The following PAGE2B variants were observed in gnomAD, a reference collection of about 807,000 sequenced individuals.
PAGE2B encodes the protein putative G antigen family E member 3.
A neutral mutation model predicts 7.6 loss-of-function variants in PAGE2B; 5 were observed. The observed-to-expected ratio is 0.66, with a 90% CI of 0.34 to 1.38. The LOEUF (loss-of-function observed/expected upper bound fraction) is 1.38, where lower values mean the gene tolerates loss of function less well. Ranked by LOEUF, PAGE2B falls within the 40% of genes most tolerant of loss-of-function variation. PAGE2B has a pLI of 0.04. For missense variants in PAGE2B, 70 were observed against 78.4 expected, an observed-to-expected ratio of 0.89 and a Z score of 0.41; for synonymous variants, 29 against 26.7, an observed-to-expected ratio of 1.09 and a Z score of -0.27.
chrX:55,067,390 T>C, the PAGE2B span, among the ~76,000 whole-genome samples: 1 of 111,867 alleles, frequency 8.9e-6, no homozygotes, highest in Admixed American at 9.5e-5. Flanking sequence ...AACTCATCCT[T>C]TTTTATGGCA....
chrX:55,031,458 C>T, the PAGE2B span, among the ~76,000 whole-genome samples: 2 of 111,856 alleles, frequency 1.8e-5, no homozygotes, highest in Non-Finnish European at 3.8e-5. Flanking sequence ...TACCACAGTG[C>T]CTGGCCCAAA....
the PAGE2B span, among the ~76,000 whole-genome samples, chrX:55,052,709 C>T: frequency 8.8e-6 from 1 of 113,057 alleles, no homozygotes; most frequent in East Asian, 2.8e-4. Flanking sequence ...CCATCTGTCA[C>T]CCCTTTCTTT....
the PAGE2B span, among the ~76,000 whole-genome samples, chrX:55,036,512 G>A: frequency 3.1e-3 from 339 of 111,005 alleles, no homozygotes; most frequent in African/African-American, 0.011. Context: ...TAGCATGAAG[G>A]GTTGTTGAAT....
At chrX:55,076,358 G>GTA (rs113787770) in intron 2 of PAGE2B, among the ~76,000 whole-genome samples, 1 of 106,007 alleles carries the variant, frequency 9.4e-6, no homozygotes, top group African/African-American at 3.5e-5. Flanking sequence ...GTGTGTATAT[G>GTA]TATATATGTA....
At chrX:55,050,471 G>T in the PAGE2B span, among the ~76,000 whole-genome samples, 1 of 109,167 alleles carries the variant, frequency 9.2e-6, no homozygotes, top group Non-Finnish European at 1.9e-5. Flanking sequence ...CTCAGGACTT[G>T]CTTTATGAAT....
the PAGE2B span, among the ~76,000 whole-genome samples, chrX:55,038,230 TG>T: frequency 1.4e-3 from 159 of 110,762 alleles, no homozygotes; most frequent in African/African-American, 4.8e-3. Flanking sequence ...ATTCATAATA[TG>T]TAAAAAAAAT....
At chrX:55,048,885 GT>G in the PAGE2B span, among the ~76,000 whole-genome samples, 1 of 111,729 alleles carries the variant, frequency 9.0e-6, no homozygotes, top group African/African-American at 3.3e-5. Flanking sequence ...TCTTGTGCCA[GT>G]TTTCAAAGTG....
the PAGE2B span, among the ~76,000 whole-genome samples, chrX:55,031,480 T>C: frequency 3.6e-5 from 4 of 112,072 alleles, no homozygotes; most frequent in South Asian, 1.5e-3. Context: ...AAATAACACC[T>C]ACTGTTGACT....
the PAGE2B span, among the ~76,000 whole-genome samples, chrX:55,036,710 T>C: frequency 0.06 from 6,418 of 107,213 alleles, 658 homozygotes; most frequent in African/African-American, 0.21. Flanking sequence ...GAGATATAGA[T>C]CAATGGAACA....
chrX:55,037,185 G>A, the PAGE2B span, among the ~76,000 whole-genome samples: 1 of 111,433 alleles, frequency 9.0e-6, no homozygotes, highest in Admixed American at 9.5e-5. Flanking sequence ...AATCTACAAT[G>A]AACTCAAACA....
At chrX:55,055,498 TG>T in the PAGE2B span, 1 of 113,128 alleles carries the variant, frequency 8.8e-6, no homozygotes, top group Non-Finnish European at 1.9e-5. Flanking sequence ...CTGTGTTTCT[TG>T]TGTCATTGCA....
upstream of PAGE2B, among the ~76,000 whole-genome samples, chrX:55,072,025 T>A (rs1482560442): frequency 8.9e-6 from 1 of 112,143 alleles, no homozygotes; most frequent in African/African-American, 3.2e-5. Flanking sequence ...GAAGAGTTTG[T>A]TGTTACCCAC....
At chrX:55,028,333 G>T in the PAGE2B span, among the ~76,000 whole-genome samples, 10 of 111,221 alleles carry the variant, frequency 9.0e-5, no homozygotes, top group East Asian at 2.0e-3. Flanking sequence ...CTGGCTATTG[G>T]TGGTAAGAAA....
chrX:55,069,206 A>G, the PAGE2B span, among the ~76,000 whole-genome samples: 1 of 111,589 alleles, frequency 9.0e-6, no homozygotes, highest in Admixed American at 9.5e-5. Flanking sequence ...ATTTTGAGAT[A>G]CCTTCCTTCT....
At chrX:55,034,941 A>T in the PAGE2B span, among the ~76,000 whole-genome samples, 1 of 110,614 alleles carries the variant, frequency 9.0e-6, no homozygotes, top group Non-Finnish European at 1.9e-5. Context: ...TTGGAGTCCA[A>T]TGTTCAAGGG....
the PAGE2B span, among the ~76,000 whole-genome samples, chrX:55,058,160 G>C: frequency 9.0e-6 from 1 of 110,753 alleles, no homozygotes; most frequent in Admixed American, 9.7e-5. Context: ...TGTCAACTCG[G>C]TTGTAATAAT....
At chrX:55,039,030 G>A in the PAGE2B span, among the ~76,000 whole-genome samples, 4 of 111,912 alleles carry the variant, frequency 3.6e-5, no homozygotes, top group Admixed American at 3.8e-4. Flanking sequence ...CTTTGAGACA[G>A]TACATTGGCA....
chrX:55,047,273 G>A, the PAGE2B span, among the ~76,000 whole-genome samples: 55 of 111,543 alleles, frequency 4.9e-4, 1 homozygote, highest in African/African-American at 1.7e-3. Context: ...ATTTTTTATG[G>A]CTGCATAGTA....
At chrX:55,028,231 G>C in the PAGE2B span, among the ~76,000 whole-genome samples, 1 of 110,702 alleles carries the variant, frequency 9.0e-6, no homozygotes, top group East Asian at 2.8e-4. Flanking sequence ...TCGCCATTGG[G>C]GTCTGACCAC....
Sources: allele counts gnomAD v4.1 joint callset (sites outside exome capture counted in the v4.1 genomes callset), GRCh38; gene constraint gnomAD v4.1.1; transcripts MANE v1.5; gene names NCBI Gene and HGNC (gene_info 2026-07-23, HGNC 2026-07-21).